LRRCC1: variants seen among roughly 807,000 people sequenced by gnomAD.
LRRCC1 encodes the protein leucine rich repeat and coiled-coil centrosomal protein 1, also known as leucine-rich repeat and coiled-coil domain-containing protein 1.
A neutral mutation model predicts 126.0 loss-of-function variants in LRRCC1; 115 were observed. That is an observed-to-expected ratio of 0.91 (90% CI 0.78 to 1.07). The LOEUF is 1.07. LRRCC1 is among the 50% of genes least tolerant of loss of function. The pLI, the probability that LRRCC1 is intolerant of heterozygous loss-of-function variation, is 0.00. For synonymous variants in LRRCC1, 400 were observed against 393.4 expected (o/e 1.02, Z -0.20); for missense variants, 1,172 against 1,175.7 (o/e 1.00, Z 0.05).
In LRRCC1 at chr8:85,112,028, T is replaced by C. The variant is rs573569341; in HGVS notation, c.377-904T>C. ...GGCGTGTTCCACCATGCCCACCTAA[T>C]TTTTTGTATTTTTAGTAGAGACGGG... On this transcript the variant is annotated intron_variant, in intron 3 of 18. Coordinates refer to ENST00000360375, the MANE Select transcript of LRRCC1 (RefSeq NM_033402.5). Among the ~76,000 whole-genome samples, 21 of 151,930 alleles carry C rather than the reference T, an allele frequency of 1.4e-4. No homozygotes were observed. The East Asian group carries it at 2.5e-3, about 18-fold the overall frequency.
In LRRCC1 at chr8:85,107,400, G is replaced by A; in HGVS notation, c.104+1G>A. 6.2e-7 allele frequency: 1 copy of A among 1,604,008 alleles called. No homozygotes were observed. The highest frequency in any genetic ancestry group is 2.2e-5 in the East Asian group (1 of 44,560). ...GCTTCATGGACAAAGGCTTGCAGAGGTAAAGGGCGCTCCGCAGCCAGGAGC... is the reference window on the plus strand; with the variant it reads ...GCTTCATGGACAAAGGCTTGCAGAGATAAAGGGCGCTCCGCAGCCAGGAGC... On this transcript the variant is annotated splice_donor_variant, in intron 1 of 18. Transcript: ENST00000360375. LOFTEE classifies it high-confidence loss of function.
At position 85,123,583 on chromosome 8, in the gene LRRCC1, T is replaced by C. The variant is rs755734817; in HGVS notation, c.1101T>C (p.Asn367=). The C allele has an allele frequency of 4.4e-6, 7 of 1,580,322 alleles. No homozygotes were observed. Among genetic ancestry groups the C allele is most frequent in the Non-Finnish European group, 6.0e-6 (7 of 1,170,568 alleles). ...CCATTCAAACTATTAAGCACCACAA[T>C]AAAAACTACAACTCTTTTGTAAGGT... ...AKTIQTIKHH[N]KNYNSFVSCN... is the part of the protein sequence containing the mutation. The change falls in exon 7 of 19, where the codon AAT becomes AAC. Residue 367 remains asparagine, a synonymous_variant. Coordinates refer to ENST00000360375, the MANE Select transcript of LRRCC1 (RefSeq NM_033402.5).
chr8:85,131,021 A>C (rs567539689), intron 11 of LRRCC1, among the ~76,000 whole-genome samples: 4 of 152,330 alleles, frequency 2.6e-5, no homozygotes, highest in African/African-American at 9.6e-5. Flanking sequence ...CTATCCTACC[A>C]GTGAAATTGT....
chr8:85,141,085 A>C (rs1420980198), intron 17 of LRRCC1, among the ~76,000 whole-genome samples: 1 of 152,226 alleles, frequency 6.6e-6, no homozygotes, highest in South Asian at 2.1e-4. Context: ...ATAAAAAACT[A>C]TACTCCTAGA....
chr8:85,136,467 G>T (rs535401084), intron 14 of LRRCC1, among the ~76,000 whole-genome samples: 6 of 152,054 alleles, frequency 3.9e-5, no homozygotes, highest in African/African-American at 9.6e-5. Flanking sequence ...TATAGACGGG[G>T]TTTAACCATG....
chr8:85,135,157 G>A (rs1351628038), intron 13 of LRRCC1, 125 bp downstream of exon 13: 1 of 567,854 alleles, frequency 1.8e-6, no homozygotes, highest in African/African-American at 2.0e-5. Context: ...TTGCATATAA[G>A]AAAAATAGTA....
At chr8:85,137,704 G>T (rs540450695) in intron 15 of LRRCC1, 77 bp downstream of exon 15, 2 of 1,039,576 alleles carry the variant, frequency 1.9e-6, no homozygotes, top group Admixed American at 3.0e-5. Context: ...TCCAAAAGCT[G>T]TTTTTCAGTG....
At chr8:85,142,893 A>G (rs1426012693) in intron 18 of LRRCC1, among the ~76,000 whole-genome samples, 1 of 151,984 alleles carries the variant, frequency 6.6e-6, no homozygotes, top group African/African-American at 2.4e-5. Context: ...TTTAAATGAC[A>G]TTATCCTCAG....
At chr8:85,113,135 T>G (rs748302088) in intron 4 of LRRCC1, 36 bp downstream of exon 4, 37 of 1,502,780 alleles carry the variant, frequency 2.5e-5, no homozygotes, top group Non-Finnish European at 3.3e-5. Flanking sequence ...TTCTAACAGT[T>G]AATATTGAGA....
intron 11 of LRRCC1, among the ~76,000 whole-genome samples, chr8:85,130,532 A>C (rs1363611296): frequency 2.0e-5 from 3 of 152,170 alleles, no homozygotes; most frequent in African/African-American, 7.2e-5. Flanking sequence ...GTATGTATAC[A>C]TTAGAATCAG....
intron 14 of LRRCC1, among the ~76,000 whole-genome samples, chr8:85,136,206 G>T (rs906082989): frequency 1.3e-5 from 2 of 152,094 alleles, no homozygotes; most frequent in Non-Finnish European, 2.9e-5. Flanking sequence ...TGTTTCCCAT[G>T]ATAATTTGAC....
At chr8:85,109,498 A>G (rs1191890314) in intron 1 of LRRCC1, 97 bp from the exon 2 acceptor site, 1 of 663,968 alleles carries the variant, frequency 1.5e-6, no homozygotes, top group East Asian at 2.8e-5. Flanking sequence ...TAGAATGAAT[A>G]GAGCACATAT....
intron 4 of LRRCC1, among the ~76,000 whole-genome samples, chr8:85,113,750 A>T (rs959013986): frequency 2.6e-5 from 4 of 152,094 alleles, no homozygotes; most frequent in African/African-American, 9.7e-5. Flanking sequence ...TTAATAAATG[A>T]TTTTGTTTTA....
At chr8:85,111,905 C>T (rs1211105487) in intron 3 of LRRCC1, among the ~76,000 whole-genome samples, 4 of 150,278 alleles carry the variant, frequency 2.7e-5, no homozygotes, top group Admixed American at 6.6e-5. Flanking sequence ...GGTAAAGTCT[C>T]GCTCTGGGGT....
chr8:85,130,878 A>G (rs926899308), intron 11 of LRRCC1, among the ~76,000 whole-genome samples: 9 of 152,320 alleles, frequency 5.9e-5, no homozygotes, highest in Non-Finnish European at 1.0e-4. Context: ...GCTGTGTTCC[A>G]ATAAAAGTGT....
At chr8:85,137,964 C>T in intron 15 of LRRCC1, 71 bp from the exon 16 acceptor site, 2 of 743,334 alleles carry the variant, frequency 2.7e-6, no homozygotes, top group Non-Finnish European at 4.3e-6. Context: ...ATAAATTAAA[C>T]CATATCTAAT....
intron 12 of LRRCC1, among the ~76,000 whole-genome samples, chr8:85,133,964 TCTC>T (rs1810675500): frequency 6.6e-6 from 1 of 152,142 alleles, no homozygotes; most frequent in Non-Finnish European, 1.5e-5. Context: ...TCTGAGTTCA[TCTC>T]CTACTACCTT....
intron 9 of LRRCC1, among the ~76,000 whole-genome samples, chr8:85,128,435 C>A (rs1205301563): frequency 7.2e-6 from 1 of 138,590 alleles, no homozygotes; most frequent in Non-Finnish European, 1.6e-5. Context: ...CCACCCCCCC[C>A]ACCACCACAT....
chr8:85,127,190 C>T (rs886343988), intron 9 of LRRCC1, among the ~76,000 whole-genome samples: 2 of 152,140 alleles, frequency 1.3e-5, no homozygotes, highest in Non-Finnish European at 2.9e-5. Context: ...TATTTGATCT[C>T]ATCACATACT....
Sources: gnomAD v4.1 joint callset for allele counts (sites outside exome capture counted in the v4.1 genomes callset) on GRCh38, gnomAD v4.1.1 for gene constraint, MANE v1.5 for transcripts, NCBI Gene and HGNC (gene_info 2026-07-23, HGNC 2026-07-21) for gene names.